ZHX3: variants seen among roughly 807,000 people sequenced by gnomAD.
The protein encoded by ZHX3 is zinc fingers and homeoboxes 3.
Under a neutral mutation model 64.5 loss-of-function variants are expected in ZHX3, and 20 were observed. The observed-to-expected ratio is 0.31, with a 90% CI of 0.22 to 0.45. The LOEUF (loss-of-function observed/expected upper bound fraction) is 0.45, where lower values mean the gene tolerates loss of function less well. Ranked by LOEUF, ZHX3 falls within the 20% of genes least tolerant of loss-of-function variation. The pLI is 1.00. For synonymous variants in ZHX3, 423 were observed against 461.6 expected (o/e 0.92, Z 1.07); for missense variants, 1,041 against 1,195.8 (o/e 0.87, Z 1.91).
rs530668595 is a variant in ZHX3, at chr20:41,188,889, T to TTTAGTATTTTTA, written c.2861-3689_2861-3688insTAAAAATACTAA. On this transcript the variant is annotated intron_variant, in intron 3 of 3. Coordinates refer to ENST00000683867, the MANE Select transcript of ZHX3 (RefSeq NM_001384317.1). ...TTTGTCTATTTTTGTTTTAGTTGTG[T>TTTAGTATTTTTA]TTTTGAGGTCTTAGCCATAAAATCG... Among the ~76,000 whole-genome samples the TTTAGTATTTTTA allele has an allele frequency of 3.5e-4, 53 of 152,324 alleles. 1 individual carries two copies. In the East Asian group the frequency reaches 4.8e-3, roughly 14 times the overall value.
intron 1 of ZHX3, among the ~76,000 whole-genome samples, chr20:41,316,176 T>C (rs2045283483): frequency 6.6e-6 from 1 of 152,206 alleles, no homozygotes; most frequent in South Asian, 2.1e-4. Flanking sequence ...GGTTAATATG[T>C]TGATCATTAC....
intron 1 of ZHX3, among the ~76,000 whole-genome samples, chr20:41,286,048 T>C (rs2043921010): frequency 6.6e-6 from 1 of 152,244 alleles, no homozygotes; most frequent in Non-Finnish European, 1.5e-5. Flanking sequence ...CTTTCTTGAA[T>C]ACTTGTAAAG....
In ZHX3 at chr20:41,202,820, C is replaced by G; in HGVS notation, c.2097G>C (p.Glu699Asp). Reference sequence around the variant, plus strand: ...AGCCATTTTCACCAGAGACCCTTAGCTCACTGGCCAAATCCTCTTCTCCAC... The same window carrying G: ...AGCCATTTTCACCAGAGACCCTTAGGTCACTGGCCAAATCCTCTTCTCCAC... ...DEGGEEDLAS[E>D]LRVSGENGSL... The change falls in exon 3 of 4, where the codon GAG becomes GAC. Residue 699 changes from glutamate to aspartate, a missense_variant. Glu to Asp is a conservative substitution (Grantham distance 45). Around this residue, in one of 4 missense-constraint regions of ZHX3, gnomAD observed 649 missense variants for 739.8 expected, o/e 0.88. Transcript: ENST00000683867. This position sits in a 1 kb window ranked among gnomAD's most constrained non-coding sequence, Gnocchi z 7.0. The G allele has an allele frequency of 6.2e-7, 1 of 1,614,180 alleles. No individual in the cohort carries two copies. The highest frequency in any genetic ancestry group is 8.5e-7 in the Non-Finnish European group (1 of 1,180,026).
chr20:41,255,190 C>T (rs2042183026), intron 2 of ZHX3, among the ~76,000 whole-genome samples: 1 of 152,082 alleles, frequency 6.6e-6, no homozygotes, highest in Admixed American at 6.6e-5. Flanking sequence ...CTCGCACTGT[C>T]GCCCAGGCTG....
chr20:41,303,809 A>G (rs1470797649), intron 1 of ZHX3, among the ~76,000 whole-genome samples: 7 of 151,926 alleles, frequency 4.6e-5, no homozygotes, highest in African/African-American at 1.7e-4. Context: ...TCATCCTAAA[A>G]TCACCCCTTC....
intron 1 of ZHX3, among the ~76,000 whole-genome samples, chr20:41,308,464 C>T (rs1014336128): frequency 1.3e-5 from 2 of 152,210 alleles, no homozygotes; most frequent in Non-Finnish European, 2.9e-5. Context: ...TTGAGCAAAT[C>T]AAGTTTTAGG....
chr20:41,203,186 G>A lies in ZHX3; in HGVS notation c.1731C>T (p.Ser577=). Residue 577 remains serine, a synonymous_variant, in exon 3 of 4, where the codon TCC becomes TCT. Transcript: ENST00000683867. This position sits in a 1 kb window ranked among gnomAD's most constrained non-coding sequence, Gnocchi z 7.1. ...TTACCTCAGGGACCTTGGACGATGG[G>A]GAGAAGGACACCTCTGGCACAGAGT... The part of the protein sequence containing the change: ...IIDSVPEVSF[S]PSSKVPEVTC... 6.2e-7 allele frequency: 1 copy of A among 1,614,088 alleles called. No individual in the cohort carries two copies. Among genetic ancestry groups the A allele is most frequent in the African/African-American group, 1.3e-5 (1 of 74,994 alleles).
chr20:41,286,749 G>C (rs2043956748), intron 1 of ZHX3, among the ~76,000 whole-genome samples: 1 of 152,088 alleles, frequency 6.6e-6, no homozygotes, highest in Admixed American at 6.5e-5. Flanking sequence ...TTTGCTCTGT[G>C]TCCCCACCCA....
rs201819849 is a variant in ZHX3, at chr20:41,202,130, C to T, written c.2787G>A (p.Ser929=). The T allele has an allele frequency of 2.4e-5, 39 of 1,613,966 alleles. No homozygotes were observed. The highest frequency in any genetic ancestry group is 6.7e-5 in the African/African-American group (5 of 74,920). The change falls in exon 3 of 4, where the codon TCG becomes TCA. Residue 929 remains serine, a synonymous_variant. Transcript: ENST00000683867. This position sits in a 1 kb window ranked among gnomAD's most constrained non-coding sequence, Gnocchi z 7.0. ...TYSEVSENSE[S]WEPRVPEASS... is the part of the protein sequence containing the mutation. ...TGGCCTCAGGGACACGGGGCTCCCA[C>T]GACTCACTGTTCTCAGACACCTCTG... is the stretch of plus-strand genomic sequence containing the variant.
intron 2 of ZHX3, among the ~76,000 whole-genome samples, chr20:41,250,288 C>T (rs2041926967): frequency 6.6e-6 from 1 of 152,222 alleles, no homozygotes; most frequent in Non-Finnish European, 1.5e-5. Context: ...TAAATCCCAG[C>T]TCACATGCTG....
In ZHX3 at chr20:41,228,017, C is replaced by T. The variant is rs985228262; in HGVS notation, c.-150-22951G>A. On this transcript the variant is annotated intron_variant, in intron 2 of 3. Coordinates refer to ENST00000683867, the MANE Select transcript of ZHX3 (RefSeq NM_001384317.1). This position sits in a 1 kb window ranked among gnomAD's most constrained non-coding sequence, Gnocchi z 4.6. ...ATTGCAGGCCCCATTCCTTCCTCTC[C>T]TTCTGCCCAAACCACTTGCACCAAG... is the stretch of plus-strand genomic sequence containing the variant. Among the ~76,000 whole-genome samples, 2 of 152,104 alleles carry T rather than the reference C, an allele frequency of 1.3e-5. No homozygotes were observed. The highest frequency in any genetic ancestry group is 6.5e-5 in the Admixed American group (1 of 15,270).
intron 2 of ZHX3, among the ~76,000 whole-genome samples, chr20:41,231,804 G>T (rs761898163): frequency 7.2e-5 from 11 of 152,124 alleles, no homozygotes; most frequent in Admixed American, 6.5e-4. Flanking sequence ...ATAAACAAGG[G>T]TGTAAAATTC....
At chr20:41,210,085 C>T (rs2039040919) in intron 2 of ZHX3, among the ~76,000 whole-genome samples, 1 of 152,160 alleles carries the variant, frequency 6.6e-6, no homozygotes, top group South Asian at 2.1e-4. Flanking sequence ...AGCCAAAAGA[C>T]ACATGAAAAA....
At chr20:41,280,028 TG>T (rs1257146888) in intron 1 of ZHX3, among the ~76,000 whole-genome samples, 1 of 152,094 alleles carries the variant, frequency 6.6e-6, no homozygotes, top group African/African-American at 2.4e-5. Flanking sequence ...GGATCAGCTG[TG>T]GGGGAACCAC....
At chr20:41,271,090 G>C (rs1051325090) in intron 1 of ZHX3, among the ~76,000 whole-genome samples, 5 of 152,134 alleles carry the variant, frequency 3.3e-5, no homozygotes, top group Admixed American at 2.6e-4. Context: ...GCACTATCTC[G>C]GCTCACTGCA....
chr20:41,256,626 C>T (rs2042267211), intron 2 of ZHX3, among the ~76,000 whole-genome samples: 1 of 148,918 alleles, frequency 6.7e-6, no homozygotes, highest in South Asian at 2.2e-4. Context: ...CGGAGGTTTT[C>T]AACCTGTGTA....
chr20:41,292,289 G>T (rs1404786829), intron 1 of ZHX3, among the ~76,000 whole-genome samples: 2 of 152,126 alleles, frequency 1.3e-5, no homozygotes, highest in East Asian at 3.9e-4. Context: ...AGAATTATCT[G>T]AACATATTAA....
chr20:41,299,886 A>G (rs2044734401), intron 1 of ZHX3: 1 of 151,662 alleles, frequency 6.6e-6, no homozygotes, highest in African/African-American at 2.4e-5. Flanking sequence ...AAAAAAAAAA[A>G]AAAAAAAGCC....
chr20:41,313,966 T>G (rs1009678710), intron 1 of ZHX3, among the ~76,000 whole-genome samples: 2 of 152,202 alleles, frequency 1.3e-5, no homozygotes, highest in South Asian at 4.1e-4. Context: ...ACCAACTTCT[T>G]GTATATTTGG....
Sources: allele counts gnomAD v4.1 joint callset (sites outside exome capture counted in the v4.1 genomes callset), GRCh38; gene constraint gnomAD v4.1.1; regional missense constraint gnomAD v4.1.1; non-coding constraint Gnocchi (gnomAD v3.1); transcripts MANE v1.5; gene names NCBI Gene and HGNC (gene_info 2026-07-23, HGNC 2026-07-21).